DST: variants seen among roughly 807,000 people sequenced by gnomAD.
The protein encoded by DST is bullous pemphigoid antigen.
A neutral mutation model predicts 875.2 loss-of-function variants in DST; 253 were observed. The observed-to-expected ratio is 0.29, with a 90% CI of 0.26 to 0.32. DST has a LOEUF of 0.32. Among genes scored for constraint, DST ranks in the 10% least tolerant of loss-of-function variants. The probability of loss-of-function intolerance (pLI) is 1.00; values close to 1 mark genes in which losing one functional copy is unlikely to be tolerated. For synonymous variants in DST, 3,124 were observed against 3,197.1 expected, an observed-to-expected ratio of 0.98 and a Z score of 0.77; for missense variants, 8,287 against 9,111.6, an observed-to-expected ratio of 0.91 and a Z score of 3.68.
chr6:56,682,323 G>C (rs932327178), intron 9 of DST, among the ~76,000 whole-genome samples: 4 of 151,974 alleles, frequency 2.6e-5, no homozygotes, highest in African/African-American at 9.7e-5. Flanking sequence ...CAGGCATGAG[G>C]CACCGTACCT....
chr6:56,708,127 G>A (rs764245967), intron 5 of DST, among the ~76,000 whole-genome samples: 3 of 152,146 alleles, frequency 2.0e-5, no homozygotes, highest in Non-Finnish European at 4.4e-5. Flanking sequence ...TGTGATAAGG[G>A]AAAAGACATT....
chr6:56,498,354 T>C (rs2095995159), intron 80 of DST, among the ~76,000 whole-genome samples: 1 of 152,040 alleles, frequency 6.6e-6, no homozygotes, highest in African/African-American at 2.4e-5. Context: ...GTTTTATTTT[T>C]TATACAGATG....
chr6:56,463,809 A>G (rs1185711497), intron 100 of DST, 45 bp from the exon 101 acceptor site: 2 of 1,598,610 alleles, frequency 1.3e-6, no homozygotes, highest in Admixed American at 3.3e-5. Flanking sequence ...AAAGACGGAA[A>G]AGAAGAGGCG....
Position 56,641,993 on chromosome 6 carries a change from T to C in DST, c.1981A>G (p.Ile661Val). 3 of 1,613,498 alleles carry C rather than the reference T, an allele frequency of 1.9e-6. No homozygotes were observed. The highest frequency in any genetic ancestry group is 2.2e-5 in the South Asian group (2 of 91,050). Residue 661 changes from isoleucine (I) to valine (V), a missense_variant, in exon 17 of 104, where the codon ATT becomes GTT. Around this residue, in one of 10 missense-constraint regions of DST, gnomAD observed 1,160 missense variants for 1,424.3 expected, o/e 0.81. Transcript: ENST00000680361. ...TGGTAGTATTTTCCATCAATAAGAA[T>C]CTGTACATCAATTACATGCTGGCGT... ...LLRQHVIDVQ[I>V]LIDGKYYQAD...
intron 4 of DST, among the ~76,000 whole-genome samples, chr6:56,814,567 C>T (rs937504989): frequency 6.6e-6 from 1 of 152,228 alleles, no homozygotes. Flanking sequence ...TCTTTTTCCA[C>T]TCTGTTCACA....
chr6:56,867,554 GCT>G (rs2127601839), intron 3 of DST, among the ~76,000 whole-genome samples: 1 of 152,318 alleles, frequency 6.6e-6, no homozygotes, highest in East Asian at 1.9e-4. Context: ...GGATGCGGAG[GCT>G]CATGCCTGTA....
chr6:56,940,191 TAC>T (rs59001581), intron 2 of DST, among the ~76,000 whole-genome samples: 53,635 of 141,246 alleles, frequency 0.38, 9,804 homozygotes, highest in Middle Eastern at 0.48. Flanking sequence ...ATTACCCCCA[TAC>T]ACACACACAC....
At chr6:56,865,337 G>C (rs1444992770) in intron 3 of DST, among the ~76,000 whole-genome samples, 2 of 151,782 alleles carry the variant, frequency 1.3e-5, no homozygotes, top group Admixed American at 6.6e-5. Context: ...GAGAGAGAGA[G>C]CATCTTGCTC....
chr6:56,694,640 T>G (rs1218915968), intron 9 of DST, among the ~76,000 whole-genome samples: 2 of 152,184 alleles, frequency 1.3e-5, no homozygotes, highest in African/African-American at 4.8e-5. Context: ...ACCAGTGATC[T>G]GCACTCCCCC....
At chr6:56,677,920 T>C (rs1468465229) in intron 9 of DST, among the ~76,000 whole-genome samples, 1 of 152,228 alleles carries the variant, frequency 6.6e-6, no homozygotes, top group Non-Finnish European at 1.5e-5. Flanking sequence ...AAACTGCTTT[T>C]ATCTTTTTAC....
intron 8 of DST, among the ~76,000 whole-genome samples, chr6:56,701,298 T>C (rs1170067107): frequency 6.6e-6 from 1 of 152,142 alleles, no homozygotes; most frequent in Admixed American, 6.5e-5. Context: ...GTCAAGATCA[T>C]ATCCAATATA....
intron 5 of DST, among the ~76,000 whole-genome samples, chr6:56,707,558 G>T (rs578089275): frequency 2.0e-5 from 3 of 152,276 alleles, no homozygotes; most frequent in Admixed American, 2.0e-4. Flanking sequence ...TTCCAGGATT[G>T]TAATAGTGCT....
intron 4 of DST, among the ~76,000 whole-genome samples, chr6:56,737,613 C>T (rs1023038336): frequency 6.6e-6 from 1 of 152,194 alleles, no homozygotes; most frequent in Non-Finnish European, 1.5e-5. Flanking sequence ...TCCTATCAGA[C>T]AGCACTGCTC....
At chr6:56,481,972 G>C in intron 90 of DST, 78 bp downstream of exon 90, 1 of 1,445,998 alleles carries the variant, frequency 6.9e-7, no homozygotes. Flanking sequence ...TCATGCAGTT[G>C]ATATTTGTAA....
intron 4 of DST, among the ~76,000 whole-genome samples, chr6:56,774,393 A>T (rs1283568083): frequency 6.6e-6 from 1 of 152,114 alleles, no homozygotes; most frequent in Non-Finnish European, 1.5e-5. Context: ...ATAGCTTAAA[A>T]CCAAACCAAA....
intron 2 of DST, among the ~76,000 whole-genome samples, chr6:56,916,821 C>CAG (rs540124396): frequency 0.024 from 3,373 of 140,292 alleles, 61 homozygotes; most frequent in East Asian, 0.077. Context: ...CACACACACA[C>CAG]ACAGAGAGAC....
chr6:56,836,967 T>C (rs1327970483), intron 4 of DST, among the ~76,000 whole-genome samples: 2 of 152,086 alleles, frequency 1.3e-5, no homozygotes, highest in African/African-American at 4.8e-5. Context: ...ACCATATATA[T>C]TTACCTTTTA....
At chr6:56,690,282 A>G (rs2099219268) in intron 9 of DST, among the ~76,000 whole-genome samples, 1 of 152,178 alleles carries the variant, frequency 6.6e-6, no homozygotes, top group Admixed American at 6.6e-5. Flanking sequence ...TGATCAAATG[A>G]CGCGATGTGT....
chr6:56,618,024 A>G lies in DST; in HGVS notation c.4930-3540T>C, dbSNP rs371493453. On this transcript the variant is annotated intron_variant, in intron 36 of 103. Coordinates refer to ENST00000680361, the MANE Select transcript of DST (RefSeq NM_001374736.1). ...AAAACCTTCACCAGTTCCATTTCAC[A>G]TGCGTTATCTTGATACCTAACAGGT... The G allele has an allele frequency of 6.2e-6, 10 of 1,614,046 alleles. No homozygotes were observed. The highest frequency in any genetic ancestry group is 1.3e-5 in the African/African-American group (1 of 74,926).
Sources: allele counts gnomAD v4.1 joint callset (sites outside exome capture counted in the v4.1 genomes callset), GRCh38; gene constraint gnomAD v4.1.1; regional missense constraint gnomAD v4.1.1; transcripts MANE v1.5; gene names NCBI Gene and HGNC (gene_info 2026-07-23, HGNC 2026-07-21).